DMXL1: variants seen among roughly 807,000 people sequenced by gnomAD.
DMXL1 encodes the protein Dmx like 1.
Under a neutral mutation model 319.2 loss-of-function variants are expected in DMXL1, and 99 were observed. The observed-to-expected ratio is 0.31, with a 90% CI of 0.26 to 0.37. DMXL1 has a LOEUF of 0.37. Among genes scored for constraint, DMXL1 ranks in the 10% least tolerant of loss-of-function variants. The pLI is 1.00. For missense variants in DMXL1, 3,745 were observed against 3,595.6 expected, an observed-to-expected ratio of 1.04 and a Z score of -1.06; for synonymous variants, 1,385 against 1,235.2, an observed-to-expected ratio of 1.12 and a Z score of -2.54.
At chr5:119,173,554 G>T (rs1775035217) in intron 25 of DMXL1, among the ~76,000 whole-genome samples, 1 of 151,148 alleles carries the variant, frequency 6.6e-6, no homozygotes, top group Non-Finnish European at 1.5e-5. Context: ...CATTTCTGGT[G>T]GTTGGCGCAT....
At chr5:119,211,004 ATTT>A (rs565846459) in intron 34 of DMXL1, among the ~76,000 whole-genome samples, 3 of 118,734 alleles carry the variant, frequency 2.5e-5, no homozygotes, top group Admixed American at 8.3e-5. Context: ...TTATCAAATG[ATTT>A]TTTTTTTTTT....
intron 31 of DMXL1, among the ~76,000 whole-genome samples, chr5:119,197,028 T>C (rs916996693): frequency 3.9e-5 from 6 of 152,140 alleles, no homozygotes; most frequent in East Asian, 1.9e-4. Flanking sequence ...TATTTAGATA[T>C]AGGGAGGTAA....
chr5:119,178,258 A>AC lies in DMXL1; in HGVS notation c.7135+14_7135+15insC. The AC allele has an allele frequency of 6.2e-7, 1 of 1,608,606 alleles. No individual in the cohort carries two copies. On this transcript the variant is annotated intron_variant, in intron 28 of 43. Transcript: ENST00000539542. ...AAACTTTACCTGGTGAGTTTAAAAA[A>AC]TTTTTTTAGGACTGAAGCTTTATTT...
chr5:119,224,018 T>C lies in DMXL1; in HGVS notation c.8278-691T>C, dbSNP rs116542792. ...CTATTTTGGAGTATAACTGCATCAA[T>C]ATATGTGTTTCAGTTTTATTTATCC... On this transcript the variant is annotated intron_variant, in intron 37 of 43. Coordinates refer to ENST00000539542, the MANE Select transcript of DMXL1 (RefSeq NM_001290321.3). Among the ~76,000 whole-genome samples the C allele has an allele frequency of 3.4e-3, 522 of 152,194 alleles. 4 individuals carry two copies. Among genetic ancestry groups the C allele is most frequent in the African/African-American group, 0.012 (489 of 41,540 alleles).
intron 6 of DMXL1, 81 bp from the exon 7 acceptor site, chr5:119,116,077 A>C: frequency 7.5e-7 from 1 of 1,328,856 alleles, no homozygotes; most frequent in South Asian, 1.5e-5. Flanking sequence ...GCCATTGGGG[A>C]GAAAATTCTT....
At position 119,178,097 on chromosome 5, in the gene DMXL1, C is replaced by G; in HGVS notation, c.6988C>G (p.Leu2330Val). The G allele has an allele frequency of 1.2e-6, 2 of 1,614,006 alleles. No individual in the cohort carries two copies. Among genetic ancestry groups the G allele is most frequent in the Non-Finnish European group, 8.5e-7 (1 of 1,179,880 alleles). The change falls in exon 28 of 44, where the codon CTC becomes GTC. Residue 2330 changes from leucine to valine, a missense_variant. Physicochemically the swap from Leu to Val is conservative, Grantham distance 32. Transcript: ENST00000539542. Reference protein sequence around the residue: ...CEILTAVYLSLFIHGLATHSS... With the variant: ...CEILTAVYLSVFIHGLATHSS... ...GATTCTCACAGCAGTGTATCTTAGT[C>G]TCTTCATCCATGGCCTGGCCACACA...
At chr5:119,171,390 A>C (rs1774513471) in intron 24 of DMXL1, 110 bp downstream of exon 24, 4 of 1,123,816 alleles carry the variant, frequency 3.6e-6, no homozygotes, top group Non-Finnish European at 5.0e-6. Flanking sequence ...CGGTTGCTTT[A>C]GGGAAAGCTC....
rs1790100458 is a variant in DMXL1, at chr5:119,248,349, A to C, written c.*1130A>C. Reference sequence around the variant, plus strand: ...TATTTTTGCCAAAATATTTTATTATAAAATATGACCAAAATATTTAAAATG... The same window carrying C: ...TATTTTTGCCAAAATATTTTATTATCAAATATGACCAAAATATTTAAAATG... On this transcript the variant is annotated 3_prime_UTR_variant, in exon 44 of 44. Coordinates refer to ENST00000539542, the MANE Select transcript of DMXL1 (RefSeq NM_001290321.3). 1 of 152,534 alleles carries C rather than the reference A, an allele frequency of 6.6e-6. No homozygotes were observed. The highest frequency in any genetic ancestry group is 1.5e-5 in the Non-Finnish European group (1 of 67,954). The allele number at this position is 152,534 out of a possible 1,614,324, so 9.4% of individuals were successfully genotyped here. A position where few individuals can be genotyped will look rare whatever the true frequency, so the allele number is the denominator to read the frequency against.
intron 35 of DMXL1, among the ~76,000 whole-genome samples, chr5:119,220,259 T>C (rs1360529091): frequency 6.6e-6 from 1 of 152,164 alleles, no homozygotes; most frequent in Non-Finnish European, 1.5e-5. Context: ...GTATTGCCAT[T>C]TATACTGGCT....
At chr5:119,234,246 A>G (rs1787304437) in intron 39 of DMXL1, among the ~76,000 whole-genome samples, 1 of 152,156 alleles carries the variant, frequency 6.6e-6, no homozygotes, top group African/African-American at 2.4e-5. Context: ...GGGCTAGTTC[A>G]GAGGCAGTGC....
intron 27 of DMXL1, 54 bp downstream of exon 27, chr5:119,177,538 A>G (rs1020410108): frequency 4.8e-6 from 7 of 1,447,242 alleles, no homozygotes; most frequent in African/African-American, 3.5e-5. Context: ...ATAATCTTAG[A>G]TAAGTAGAAA....
chr5:119,217,950 T>A (rs2150561653), intron 35 of DMXL1, among the ~76,000 whole-genome samples: 1 of 152,216 alleles, frequency 6.6e-6, no homozygotes, highest in South Asian at 2.1e-4. Flanking sequence ...GCTAAAGGGC[T>A]GATTCCAGAT....
At chr5:119,173,776 GTATATATA>G (rs758312462) in intron 25 of DMXL1, among the ~76,000 whole-genome samples, 5 of 67,170 alleles carry the variant, frequency 7.4e-5, no homozygotes, top group Non-Finnish European at 5.9e-5. Context: ...ATGTGTGTGT[GTATATATA>G]TATATATATA....
rs1447189622 is a variant in DMXL1, at chr5:119,133,515, C to G, written c.1591C>G (p.Pro531Ala). 1 of 1,608,150 alleles carries G rather than the reference C, an allele frequency of 6.2e-7. No homozygotes were observed. Among genetic ancestry groups the G allele is most frequent in the Non-Finnish European group, 8.5e-7 (1 of 1,177,930 alleles). The change falls in exon 12 of 44, where the codon CCA becomes GCA. Residue 531 changes from proline to alanine, a missense_variant. Pro to Ala is a conservative substitution (Grantham distance 27). This residue lies in a region of DMXL1 where 2,096 missense variants were observed against 1,985.4 expected (regional missense o/e 1.06). Coordinates refer to ENST00000539542, the MANE Select transcript of DMXL1 (RefSeq NM_001290321.3). ...QVQVSFVSRI[P>A]VAFPTGDANS... ...CTAGGTGTCCTTTGTTTCCAGAATT[C>G]CAGTAGCTTTCCCCACAGGTGATGC...
intron 29 of DMXL1, among the ~76,000 whole-genome samples, chr5:119,191,900 A>C (rs1028754019): frequency 6.6e-6 from 1 of 152,206 alleles, no homozygotes; most frequent in Non-Finnish European, 1.5e-5. Flanking sequence ...GATTTTTAAA[A>C]ATAAATACTT....
At chr5:119,206,927 A>G in intron 34 of DMXL1, 31 bp downstream of exon 34, 1 of 1,347,226 alleles carries the variant, frequency 7.4e-7, no homozygotes. Flanking sequence ...GAAATTAAAA[A>G]TTGCATTCTT....
At chr5:119,232,985 A>G (rs1787060506) in intron 38 of DMXL1, among the ~76,000 whole-genome samples, 6 of 151,864 alleles carry the variant, frequency 4.0e-5, no homozygotes, top group Admixed American at 3.3e-4. Flanking sequence ...CATTAATAGT[A>G]TAATAAGGAT....
chr5:119,220,379 G>C (rs1784450226), intron 35 of DMXL1, 93 bp from the exon 36 acceptor site: 1 of 1,133,812 alleles, frequency 8.8e-7, no homozygotes. Context: ...ATCACTGCTA[G>C]AGGTTATTTC....
At chr5:119,118,774 G>A in intron 7 of DMXL1, 41 bp from the exon 8 acceptor site, 1 of 1,488,850 alleles carries the variant, frequency 6.7e-7, no homozygotes, top group Non-Finnish European at 9.1e-7. Flanking sequence ...GATACTATGT[G>A]AAATTTGTAT....
Sources: gnomAD v4.1 joint callset for allele counts (sites outside exome capture counted in the v4.1 genomes callset) on GRCh38, gnomAD v4.1.1 for gene constraint, gnomAD v4.1.1 regional missense constraint, MANE v1.5 for transcripts, NCBI Gene and HGNC (gene_info 2026-07-23, HGNC 2026-07-21) for gene names.